Variants in UBE4B observed in about 807,000 individuals in gnomAD.
UBE4B encodes the protein ubiquitination factor E4B.
UBE4B carries 27 observed loss-of-function variants against 148.1 expected under a neutral mutation model. The ratio of observed to expected loss-of-function variants is 0.18; its 90% CI spans 0.13 to 0.25. The LOEUF is 0.25. Among genes scored for constraint, UBE4B ranks in the 10% least tolerant of loss-of-function variants. The pLI is 1.00. For synonymous variants in UBE4B, 596 were observed against 619.3 expected, an observed-to-expected ratio of 0.96 and a Z score of 0.56; for missense variants, 1,170 against 1,662.4, an observed-to-expected ratio of 0.70 and a Z score of 5.15.
chr1:10,179,381 A>G (rs1167794570), intron 26 of UBE4B, 35 bp from the exon 27 acceptor site: 1 of 1,606,306 alleles, frequency 6.2e-7, no homozygotes, highest in Non-Finnish European at 8.5e-7. Context: ...GTGGGCTCTC[A>G]GTAGATTAGA....
intron 2 of UBE4B, among the ~76,000 whole-genome samples, chr1:10,081,166 G>A (rs897270289): frequency 1.3e-5 from 2 of 152,006 alleles, no homozygotes; most frequent in East Asian, 1.9e-4. Flanking sequence ...GGGTTCAAAC[G>A]ATTCTCCTGC....
rs565023767 is a variant in UBE4B, at chr1:10,135,588, T to C, written c.2224+402T>C. Among the ~76,000 whole-genome samples the C allele has an allele frequency of 5.9e-5, 9 of 151,944 alleles. No individual in the cohort carries two copies. In the East Asian group the frequency reaches 1.5e-3, roughly 26 times the overall value. ...CCCATCTCTACTAAAAATACAAAAA[T>C]TAGCGGGTGTGGTGGCACGCACCTG... is the stretch of plus-strand genomic sequence containing the variant. On this transcript the variant is annotated intron_variant, in intron 16 of 27. Coordinates refer to ENST00000343090, the MANE Select transcript of UBE4B (RefSeq NM_001105562.3).
chr1:10,045,079 T>C (rs908459181), intron 1 of UBE4B, among the ~76,000 whole-genome samples: 1 of 152,194 alleles, frequency 6.6e-6, no homozygotes, highest in African/African-American at 2.4e-5. Flanking sequence ...ATCCCTCGCG[T>C]GCAGAACTCA....
intron 1 of UBE4B, among the ~76,000 whole-genome samples, chr1:10,043,409 A>G (rs1458735636): frequency 6.8e-6 from 1 of 146,966 alleles, no homozygotes. Flanking sequence ...TATCTTTGAA[A>G]TTGAGATGCT....
intron 17 of UBE4B, among the ~76,000 whole-genome samples, chr1:10,139,463 A>G (rs1208814565): frequency 6.6e-6 from 1 of 152,210 alleles, no homozygotes; most frequent in East Asian, 1.9e-4. Context: ...AGTTTATTGT[A>G]TAAGAATTAT....
At chr1:10,107,384 G>T in intron 7 of UBE4B, 1 of 1,285,926 alleles carries the variant, frequency 7.8e-7, no homozygotes, top group South Asian at 1.2e-5. Flanking sequence ...GGTATCAGAG[G>T]AATGGAGTCT....
chr1:10,103,236 C>G (rs1192333525), intron 5 of UBE4B, 144 bp downstream of exon 5: 1 of 759,318 alleles, frequency 1.3e-6, no homozygotes, highest in African/African-American at 1.7e-5. Context: ...GATGAGGACA[C>G]AATTGTTTAG....
At chr1:10,170,448 T>G (rs17034563) in intron 24 of UBE4B, among the ~76,000 whole-genome samples, 18,441 of 152,250 alleles carry the variant, frequency 0.12, 2,489 homozygotes, top group African/African-American at 0.34. Context: ...TGGCCAGTGT[T>G]TAATGCTCTC....
intron 9 of UBE4B, among the ~76,000 whole-genome samples, chr1:10,120,653 A>G (rs1212955732): frequency 6.6e-6 from 1 of 152,018 alleles, no homozygotes; most frequent in Admixed American, 6.5e-5. Context: ...CCTGGGCAAC[A>G]TGGTGAAACC....
At chr1:10,076,002 C>G (rs1271604421) in intron 2 of UBE4B, among the ~76,000 whole-genome samples, 3 of 152,208 alleles carry the variant, frequency 2.0e-5, no homozygotes, top group Admixed American at 6.5e-5. Context: ...TGTGATCACA[C>G]CACTGCATTC....
chr1:10,149,375 C>T (rs936891382), intron 20 of UBE4B, 93 bp downstream of exon 20: 2 of 1,026,308 alleles, frequency 1.9e-6, no homozygotes, highest in African/African-American at 3.3e-5. Flanking sequence ...CATTTCATGC[C>T]TGAAATTTGA....
At chr1:10,055,339 C>T (rs911944400) in intron 1 of UBE4B, among the ~76,000 whole-genome samples, 2 of 150,006 alleles carry the variant, frequency 1.3e-5, no homozygotes, top group African/African-American at 2.5e-5. Context: ...TATTCTGAGA[C>T]AAGATCTCAC....
chr1:10,054,351 T>C (rs1644119393), intron 1 of UBE4B: 1 of 168,218 alleles, frequency 5.9e-6, no homozygotes, highest in African/African-American at 2.4e-5. Flanking sequence ...TTGCTTTAAA[T>C]AGTTCTTTGG....
chr1:10,158,527 C>G (rs950886345), intron 22 of UBE4B, 45 bp downstream of exon 22: 1 of 1,599,000 alleles, frequency 6.3e-7, no homozygotes, highest in African/African-American at 1.3e-5. Context: ...TCTTGCAAAT[C>G]GCAGGTAGGA....
chr1:10,147,284 G>A (rs903366088), intron 19 of UBE4B, among the ~76,000 whole-genome samples, 194 bp downstream of exon 19: 6 of 152,162 alleles, frequency 3.9e-5, no homozygotes, highest in Non-Finnish European at 8.8e-5. Flanking sequence ...CTTGAGGTCA[G>A]GAGTTCAAGA....
intron 1 of UBE4B, among the ~76,000 whole-genome samples, chr1:10,036,043 C>G (rs1211788828): frequency 6.6e-6 from 1 of 150,824 alleles, no homozygotes; most frequent in Non-Finnish European, 1.5e-5. Context: ...CGCGCCCGGC[C>G]GAGGTAGTTT....
intron 9 of UBE4B, 138 bp downstream of exon 9, chr1:10,119,751 G>A (rs1645380525): frequency 1.8e-5 from 11 of 615,630 alleles, no homozygotes; most frequent in Middle Eastern, 4.3e-4. Context: ...CCTTTCCTTC[G>A]CTAAAATACT....
intron 17 of UBE4B, among the ~76,000 whole-genome samples, chr1:10,142,308 A>G (rs1027547057): frequency 1.3e-5 from 2 of 152,152 alleles, no homozygotes; most frequent in African/African-American, 2.4e-5. Context: ...TTAGTTTCCT[A>G]TGACTGCAAC....
intron 2 of UBE4B, among the ~76,000 whole-genome samples, chr1:10,091,033 T>C (rs1001945991): frequency 1.8e-4 from 27 of 152,230 alleles, no homozygotes; most frequent in African/African-American, 6.5e-4. Flanking sequence ...TTATAGAAGT[T>C]GGATACTGCC....
Sources: gnomAD v4.1 joint callset for allele counts (sites outside exome capture counted in the v4.1 genomes callset) on GRCh38, gnomAD v4.1.1 for gene constraint, MANE v1.5 for transcripts, NCBI Gene and HGNC (gene_info 2026-07-23, HGNC 2026-07-21) for gene names.